Variants in TECRL observed in about 807,000 individuals in gnomAD.
TECRL encodes the protein trans-2,3-enoyl-CoA reductase like, also known as trans-2,3-enoyl-CoA reductase-like.
In TECRL, 63 loss-of-function variants were observed where a neutral mutation model predicts 52.8. The ratio of observed to expected loss-of-function variants is 1.19; its 90% confidence interval spans 0.97 to 1.47. The LOEUF is 1.47. TECRL is among the 40% of genes most tolerant of loss of function. The pLI, the probability that TECRL is intolerant of heterozygous loss-of-function variation, is 0.00. For synonymous variants in TECRL, 164 were observed against 141.9 expected, an observed-to-expected ratio of 1.16 and a Z score of -1.10; for missense variants, 482 against 429.6, an observed-to-expected ratio of 1.12 and a Z score of -1.08.
Position 64,285,387 on chromosome 4 carries a change from A to G in TECRL, c.833-3828T>C, listed in dbSNP as rs577911225. Among the ~76,000 whole-genome samples the G allele has an allele frequency of 2.6e-5, 4 of 152,188 alleles. No individual in the cohort carries two copies. In the East Asian group the frequency reaches 7.7e-4, roughly 29 times the overall value. The stretch of plus-strand genomic sequence containing the variant: ...GGTTCTCATTCCTTGCCTCTTTTCC[A>G]TAATTCCTAACAAACTTCTTTTATA... On this transcript the variant is annotated intron_variant, in intron 9 of 11. Transcript: ENST00000381210.
intron 7 of TECRL, among the ~76,000 whole-genome samples, chr4:64,301,236 T>G (rs1724002609): frequency 6.6e-6 from 1 of 151,054 alleles, no homozygotes; most frequent in South Asian, 2.1e-4. Context: ...TGAATATTAT[T>G]ATTTTCCCCT....
At chr4:64,322,900 G>C in intron 3 of TECRL, 108 bp from the exon 4 acceptor site, 1 of 776,676 alleles carries the variant, frequency 1.3e-6, no homozygotes, top group South Asian at 2.3e-5. Context: ...ATTTAATATG[G>C]AAATTACAAT....
intron 9 of TECRL, among the ~76,000 whole-genome samples, chr4:64,284,121 G>T (rs1291483575): frequency 6.6e-6 from 1 of 151,986 alleles, no homozygotes; most frequent in Non-Finnish European, 1.5e-5. Context: ...GTATAAAATT[G>T]AATAAAGATT....
chr4:64,330,706 T>C (rs1402738659), intron 2 of TECRL, among the ~76,000 whole-genome samples: 1 of 152,072 alleles, frequency 6.6e-6, no homozygotes, highest in Non-Finnish European at 1.5e-5. Context: ...TGAATATCAC[T>C]GAATTCATAT....
intron 2 of TECRL, among the ~76,000 whole-genome samples, chr4:64,368,966 T>C (rs1184739623): frequency 6.6e-6 from 1 of 152,186 alleles, no homozygotes; most frequent in Non-Finnish European, 1.5e-5. Flanking sequence ...TACCCTTTCT[T>C]GTGGCTGAAA....
intron 2 of TECRL, among the ~76,000 whole-genome samples, chr4:64,330,774 T>C (rs1356049797): frequency 1.3e-5 from 2 of 152,098 alleles, no homozygotes; most frequent in Non-Finnish European, 2.9e-5. Flanking sequence ...AACATTCTAG[T>C]TGTCAAGAAA....
intron 2 of TECRL, among the ~76,000 whole-genome samples, chr4:64,370,030 T>C (rs1258442253): frequency 6.6e-6 from 1 of 151,604 alleles, no homozygotes; most frequent in Non-Finnish European, 1.5e-5. Context: ...GATAATTAAG[T>C]GGAGGGTTTT....
intron 2 of TECRL, among the ~76,000 whole-genome samples, chr4:64,359,439 A>T (rs867356233): frequency 8.5e-5 from 13 of 152,192 alleles, no homozygotes; most frequent in Middle Eastern, 3.4e-3. Flanking sequence ...TATATTTTCA[A>T]ATAGTTATTG....
chr4:64,314,579 T>C, intron 5 of TECRL, 69 bp downstream of exon 5: 1 of 1,181,996 alleles, frequency 8.5e-7, no homozygotes, highest in East Asian at 2.4e-5. Flanking sequence ...CATCCCCTCC[T>C]TAACGTGTAT....
chr4:64,297,440 G>T (rs568156183), intron 8 of TECRL, among the ~76,000 whole-genome samples: 2 of 150,688 alleles, frequency 1.3e-5, no homozygotes, highest in African/African-American at 4.9e-5. Context: ...CGTTTTATCA[G>T]CAAAAAAATA....
At chr4:64,296,499 CTT>C (rs1723689495) in intron 8 of TECRL, among the ~76,000 whole-genome samples, 1 of 151,712 alleles carries the variant, frequency 6.6e-6, no homozygotes. Context: ...ATTTTAATTA[CTT>C]TGTAAGCCAT....
intron 2 of TECRL, among the ~76,000 whole-genome samples, chr4:64,341,237 T>C (rs1719548086): frequency 6.6e-6 from 1 of 152,104 alleles, no homozygotes; most frequent in South Asian, 2.1e-4. Flanking sequence ...TCTTCATACC[T>C]CATTCTTGCT....
chr4:64,308,857 A>T, intron 6 of TECRL, among the ~76,000 whole-genome samples: 1 of 152,316 alleles, frequency 6.6e-6, no homozygotes, highest in South Asian at 2.1e-4. Context: ...ATTTTAGAAA[A>T]ATTTGGTGAG....
At chr4:64,359,420 T>C (rs1005834040) in intron 2 of TECRL, among the ~76,000 whole-genome samples, 2 of 152,056 alleles carry the variant, frequency 1.3e-5, no homozygotes, top group African/African-American at 4.8e-5. Flanking sequence ...GATTCTGCTA[T>C]AAATAGACTA....
At chr4:64,370,645 A>T (rs1721913668) in intron 2 of TECRL, among the ~76,000 whole-genome samples, 2 of 151,824 alleles carry the variant, frequency 1.3e-5, no homozygotes, top group South Asian at 4.1e-4. Flanking sequence ...GTTATTTCTG[A>T]TGGTTCCCTC....
At chr4:64,315,787 C>T (rs940086292) in intron 4 of TECRL, among the ~76,000 whole-genome samples, 1 of 151,926 alleles carries the variant, frequency 6.6e-6, no homozygotes, top group African/African-American at 2.4e-5. Context: ...GTTTTATATA[C>T]ATACATAATT....
intron 2 of TECRL, among the ~76,000 whole-genome samples, chr4:64,347,085 C>T (rs561179527): frequency 1.3e-5 from 2 of 152,242 alleles, no homozygotes; most frequent in African/African-American, 4.8e-5. Context: ...CATATAAATG[C>T]ACGGATCTGC....
intron 3 of TECRL, among the ~76,000 whole-genome samples, chr4:64,326,966 T>C (rs561386557): frequency 1.3e-5 from 2 of 152,204 alleles, no homozygotes; most frequent in South Asian, 4.1e-4. Context: ...ATATTAATAG[T>C]TATGACTAAG....
intron 2 of TECRL, among the ~76,000 whole-genome samples, chr4:64,372,217 T>C (rs1489245176): frequency 6.6e-6 from 1 of 151,742 alleles, no homozygotes; most frequent in African/African-American, 2.4e-5. Context: ...TTACAAGTGT[T>C]AAGAAACAAA....
Sources: allele counts gnomAD v4.1 joint callset (sites outside exome capture counted in the v4.1 genomes callset), GRCh38; gene constraint gnomAD v4.1.1; transcripts MANE v1.5; gene names NCBI Gene and HGNC (gene_info 2026-07-23, HGNC 2026-07-21).